Variants in GALNTL6 observed in about 807,000 individuals in gnomAD.
The protein encoded by GALNTL6 is polypeptide N-acetylgalactosaminyltransferase-like 6.
GALNTL6 carries 46 observed loss-of-function variants against 73.7 expected under a neutral mutation model. The observed-to-expected ratio is 0.62, with a 90% CI of 0.49 to 0.80. GALNTL6 has a LOEUF of 0.80. Among genes scored for constraint, GALNTL6 ranks in the 30% least tolerant of loss-of-function variants. The pLI is 0.00. For synonymous variants in GALNTL6, 259 were observed against 263.7 expected, an observed-to-expected ratio of 0.98 and a Z score of 0.17; for missense variants, 604 against 755.0, an observed-to-expected ratio of 0.80 and a Z score of 2.34.
intron 11 of GALNTL6, among the ~76,000 whole-genome samples, chr4:173,018,718 A>G (rs28580655): frequency 0.016 from 2,480 of 152,374 alleles, 67 homozygotes; most frequent in African/African-American, 0.052. Context: ...AACACGGCAC[A>G]GAAGGAAATA....
intron 2 of GALNTL6, among the ~76,000 whole-genome samples, chr4:172,081,127 G>GA (rs1731867181): frequency 1.3e-5 from 2 of 152,206 alleles, no homozygotes; most frequent in South Asian, 4.1e-4. Flanking sequence ...AGTTACTTGA[G>GA]AAAAAATAGA....
At chr4:172,859,046 GAAA>G (rs67296281) in intron 7 of GALNTL6, among the ~76,000 whole-genome samples, 10 of 140,144 alleles carry the variant, frequency 7.1e-5, no homozygotes, top group African/African-American at 2.7e-4. Context: ...GAGTGGTCAG[GAAA>G]AAAAAAAAAA....
intron 7 of GALNTL6, among the ~76,000 whole-genome samples, chr4:172,819,726 T>G (rs1741816305): frequency 6.6e-6 from 1 of 152,218 alleles, no homozygotes; most frequent in Non-Finnish European, 1.5e-5. Context: ...ACAAATGAGA[T>G]GATTCAGGCT....
intron 5 of GALNTL6, among the ~76,000 whole-genome samples, chr4:172,535,992 T>C (rs1425762912): frequency 6.6e-6 from 1 of 152,234 alleles, no homozygotes; most frequent in Non-Finnish European, 1.5e-5. Context: ...GGTAATTAAA[T>C]CATGGTGGTG....
intron 5 of GALNTL6, among the ~76,000 whole-genome samples, chr4:172,675,798 A>C (rs1437843): frequency 0.36 from 55,385 of 152,068 alleles, 10,852 homozygotes; most frequent in Middle Eastern, 0.48. Context: ...AAAAATGTGA[A>C]TAAGGAATCA....
At chr4:171,915,593 T>A (rs76220966) in intron 2 of GALNTL6, among the ~76,000 whole-genome samples, 7,839 of 152,262 alleles carry the variant, frequency 0.051, 602 homozygotes, top group African/African-American at 0.17. Flanking sequence ...TTCATTACAC[T>A]GCTTTCCCAA....
intron 5 of GALNTL6, among the ~76,000 whole-genome samples, chr4:172,806,108 A>T (rs964033763): frequency 8.4e-4 from 128 of 152,330 alleles, no homozygotes; most frequent in African/African-American, 2.9e-3. Context: ...TTTGCTAATT[A>T]GACTGATGAT....
At chr4:171,899,237 C>G (rs932309208) in intron 2 of GALNTL6, among the ~76,000 whole-genome samples, 3 of 151,928 alleles carry the variant, frequency 2.0e-5, no homozygotes, top group African/African-American at 7.2e-5. Context: ...TTGTGTTACC[C>G]TATGGCAAAG....
chr4:172,307,648 CA>C (rs1372893600), intron 3 of GALNTL6, among the ~76,000 whole-genome samples: 4 of 152,046 alleles, frequency 2.6e-5, no homozygotes, highest in Non-Finnish European at 5.9e-5. Flanking sequence ...TTCGCTTTGT[CA>C]AAAATCAGTT....
chr4:172,842,182 AACTGT>A (rs1216049078), intron 7 of GALNTL6, among the ~76,000 whole-genome samples: 1 of 152,212 alleles, frequency 6.6e-6, no homozygotes, highest in Non-Finnish European at 1.5e-5. Flanking sequence ...GATTTATTTA[AACTGT>A]ACTTAATCTA....
chr4:172,595,145 C>T (rs1737805124), intron 5 of GALNTL6, among the ~76,000 whole-genome samples: 1 of 152,080 alleles, frequency 6.6e-6, no homozygotes. Context: ...AGCTCTACCT[C>T]CTAATATCAT....
At position 172,717,424 on chromosome 4, in the gene GALNTL6, C is replaced by T. The variant is rs757712939; in HGVS notation, c.554-91937C>T. ...GGGCATCAAGTGGTCAATGTGCTAA[C>T]GCAGTCCACATGAACTATAGCATAT... On this transcript the variant is annotated intron_variant, in intron 5 of 12. Coordinates refer to ENST00000506823, the MANE Select transcript of GALNTL6 (RefSeq NM_001034845.3). Among the ~76,000 whole-genome samples the T allele has an allele frequency of 1.6e-4, 24 of 152,268 alleles. No homozygotes were observed. The East Asian group carries it at 3.3e-3, about 21-fold the overall frequency.
chr4:172,925,498 G>A (rs1455715627), intron 8 of GALNTL6, among the ~76,000 whole-genome samples: 1 of 152,162 alleles, frequency 6.6e-6, no homozygotes, highest in Non-Finnish European at 1.5e-5. Flanking sequence ...TTATCAATCA[G>A]TTCACTTTAA....
chr4:172,339,185 GAGTAGA>G (rs1196553088), intron 4 of GALNTL6, among the ~76,000 whole-genome samples: 1 of 151,746 alleles, frequency 6.6e-6, no homozygotes, highest in Non-Finnish European at 1.5e-5. Context: ...CCTGGGCATG[GAGTAGA>G]GAGGACCCCT....
intron 5 of GALNTL6, among the ~76,000 whole-genome samples, chr4:172,523,374 A>T (rs2110824130): frequency 6.6e-6 from 1 of 152,062 alleles, no homozygotes; most frequent in South Asian, 2.1e-4. Context: ...TTATCTATTT[A>T]TTTATTTTGA....
At chr4:172,821,240 C>A (rs970315920) in intron 7 of GALNTL6, among the ~76,000 whole-genome samples, 1 of 152,110 alleles carries the variant, frequency 6.6e-6, no homozygotes, top group African/African-American at 2.4e-5. Context: ...AAGGGACTAT[C>A]GTGATGAATA....
chr4:172,174,242 G>A (rs1186415046), intron 2 of GALNTL6, among the ~76,000 whole-genome samples: 2 of 152,070 alleles, frequency 1.3e-5, no homozygotes, highest in Non-Finnish European at 2.9e-5. Context: ...TAATCAGAAG[G>A]TACCATGCTA....
chr4:172,660,902 T>C (rs915525485), intron 5 of GALNTL6, among the ~76,000 whole-genome samples: 15 of 152,300 alleles, frequency 9.8e-5, no homozygotes, highest in African/African-American at 2.4e-4. Context: ...TTAAATGAAC[T>C]CAAAGCACAA....
chr4:172,116,246 A>AT (rs1732981136), intron 2 of GALNTL6, among the ~76,000 whole-genome samples: 1 of 152,174 alleles, frequency 6.6e-6, no homozygotes. Flanking sequence ...AATCTCATCA[A>AT]TATTTATCAG....
Sources: allele counts gnomAD v4.1 joint callset (sites outside exome capture counted in the v4.1 genomes callset), GRCh38; gene constraint gnomAD v4.1.1; transcripts MANE v1.5; gene names NCBI Gene and HGNC (gene_info 2026-07-23, HGNC 2026-07-21).